The following ANO7 variants were observed in gnomAD, a reference collection of about 807,000 sequenced individuals.
ANO7 encodes anoctamin-7.
A neutral mutation model predicts 115.8 loss-of-function variants in ANO7; 114 were observed. The ratio of observed to expected loss-of-function variants is 0.98; its 90% CI spans 0.85 to 1.15. The LOEUF (loss-of-function observed/expected upper bound fraction) is 1.15. Among genes scored for constraint, ANO7 ranks in the 50% most tolerant of loss-of-function variants. The pLI is 0.00. For missense variants in ANO7, 1,302 were observed against 1,201.2 expected, an observed-to-expected ratio of 1.08 and a Z score of -1.24; for synonymous variants, 550 against 498.2, an observed-to-expected ratio of 1.10 and a Z score of -1.38.
Position 241,224,136 on chromosome 2 carries a change from A to T in ANO7, c.2623A>T (p.Ser875Cys). The T allele has an allele frequency of 6.3e-7, 1 of 1,599,716 alleles. No individual in the cohort carries two copies. The highest frequency in any genetic ancestry group is 8.6e-7 in the Non-Finnish European group (1 of 1,167,502). Reference sequence around the variant, plus strand: ...GACACCCTTCACGGTTCCCAAGGCCAGCCAGCTGCAGCAGTGACGCCTGGA... The same window carrying T: ...GACACCCTTCACGGTTCCCAAGGCCTGCCAGCTGCAGCAGTGACGCCTGGA... ...HWTPFTVPKA[S>C]QLQQ Residue 875 changes from serine to cysteine, a missense_variant, in exon 25 of 25, where the codon AGC becomes TGC. Physicochemically the swap from Ser to Cys is moderately radical, Grantham distance 112. Transcript: ENST00000674324.
At chr2:241,231,822 T>C in the ANO7 span, among the ~76,000 whole-genome samples, 1 of 152,100 alleles carries the variant, frequency 6.6e-6, no homozygotes, top group African/African-American at 2.4e-5. Flanking sequence ...AAAACACCTG[T>C]AGCCCACAAT....
At chr2:241,217,392 A>T (rs1574793092) in intron 19 of ANO7, among the ~76,000 whole-genome samples, 2 of 152,376 alleles carry the variant, frequency 1.3e-5, no homozygotes, top group East Asian at 3.9e-4. Flanking sequence ...AATCAGGAGC[A>T]GGTTTCTGCC....
chr2:241,202,667 C>T (rs2068499326), intron 8 of ANO7, among the ~76,000 whole-genome samples: 1 of 152,226 alleles, frequency 6.6e-6, no homozygotes, highest in Admixed American at 6.5e-5. Flanking sequence ...AATGCCAAAG[C>T]GGGCACTGAC....
At chr2:241,236,908 GGTCT>G in the ANO7 span, 3 of 800,300 alleles carry the variant, frequency 3.7e-6, no homozygotes, top group Non-Finnish European at 5.9e-6. Context: ...TCCTTCAGGA[GGTCT>G]TGGTCTGGTC....
At chr2:241,210,416 G>A (rs772392213) in intron 14 of ANO7, 23 bp downstream of exon 14, 164 of 1,613,500 alleles carry the variant, frequency 1.0e-4, no homozygotes, top group Middle Eastern at 1.6e-4. Flanking sequence ...TGCCTGCCTC[G>A]GGGGGCCCTG....
chr2:241,212,770 C>A (rs1398694043), intron 17 of ANO7, 144 bp downstream of exon 17: 16 of 855,182 alleles, frequency 1.9e-5, no homozygotes, highest in Non-Finnish European at 2.6e-5. Context: ...GTGCAGCTGA[C>A]CACTCAGGGC....
chr2:241,203,454 G>T lies in ANO7; in HGVS notation c.845G>T (p.Arg282Leu). 4 of 1,574,138 alleles carry T rather than the reference G, an allele frequency of 2.5e-6. No individual in the cohort carries two copies. Among genetic ancestry groups the T allele is most frequent in the South Asian group, 1.2e-5 (1 of 86,120 alleles). ...WNKYQPLDHV[R>L]RYFGEKVALY... Reference sequence around the variant, plus strand: ...AAGTACCAGCCCCTGGACCACGTGCGCAGGTACTTCGGGGAGAAGGTGGCC... The same window carrying T: ...AAGTACCAGCCCCTGGACCACGTGCTCAGGTACTTCGGGGAGAAGGTGGCC... Residue 282 changes from arginine (R) to leucine (L), a missense_variant, in exon 9 of 25, where the codon CGC (arginine) becomes CTC (leucine). Physicochemically the swap from Arg to Leu is moderately radical, Grantham distance 102 (BLOSUM62 -2). Transcript: ENST00000674324. The surrounding 1 kb of genome is among the most constrained non-coding windows in gnomAD (Gnocchi z 4.8).
At position 241,225,884 on chromosome 2, in the gene ANO7, C is replaced by T. The variant is rs184430824; in HGVS notation, c.*1731C>T. Among the ~76,000 whole-genome samples the T allele has an allele frequency of 2.0e-5, 3 of 152,336 alleles. No individual in the cohort carries two copies. Among genetic ancestry groups the T allele is most frequent in the Non-Finnish European group, 2.9e-5 (2 of 68,030 alleles). ...ACAGATGGGGAGCTCAGCCATTCCA[C>T]GTGTGCTTTCGCTCAGCACAATGCT... On this transcript the variant is annotated 3_prime_UTR_variant, in exon 25 of 25. Transcript: ENST00000674324.
At chr2:241,204,727 T>C in intron 9 of ANO7, 138 bp from the exon 10 acceptor site, 1 of 632,190 alleles carries the variant, frequency 1.6e-6, no homozygotes, top group Non-Finnish European at 2.8e-6. Context: ...GTGTACCTCT[T>C]GGCCTCCTCA....
At chr2:241,204,810 C>T (rs2068551315) in intron 9 of ANO7, 55 bp from the exon 10 acceptor site, 5 of 1,475,012 alleles carry the variant, frequency 3.4e-6, no homozygotes, top group Non-Finnish European at 4.7e-6. Flanking sequence ...AGACCCCTAC[C>T]TGGGGCCCCC....
rs191013489 is a variant in ANO7, at chr2:241,191,937, G to A, written c.166+686G>A. 5.6e-4 allele frequency among the ~76,000 whole-genome samples: 85 copies of A among 152,314 alleles called. No homozygotes were observed. The East Asian group carries it at 0.013, about 23-fold the overall frequency. ...GCCAGTATGTCTTCCCTGGGTGAGC[G>A]CCCACGAGCACGGGATGGGGGCCCC... On this transcript the variant is annotated intron_variant, in intron 3 of 24. Transcript: ENST00000674324.
intron 3 of ANO7, among the ~76,000 whole-genome samples, chr2:241,191,839 G>A (rs2068213206): frequency 6.6e-6 from 1 of 152,164 alleles, no homozygotes; most frequent in Admixed American, 6.5e-5. Context: ...ATTGCTGGAG[G>A]GAGTGTAAAA....
intron 7 of ANO7, among the ~76,000 whole-genome samples, chr2:241,201,810 G>A (rs2149162817): frequency 6.9e-6 from 1 of 145,680 alleles, no homozygotes; most frequent in East Asian, 2.1e-4. Flanking sequence ...TGGCTGCCCA[G>A]GTAGGGGGCA....
chr2:241,239,460 A>G, the ANO7 span: 1 of 642,398 alleles, frequency 1.6e-6, no homozygotes, highest in East Asian at 2.7e-5. This position sits in a 1 kb window ranked among gnomAD's most constrained non-coding sequence, Gnocchi z 4.6. Flanking sequence ...AAGAAGAGCG[A>G]GCACCAGAAA....
At chr2:241,217,516 C>T (rs936803123) in intron 19 of ANO7, 170 bp from the exon 20 acceptor site, 11 of 734,166 alleles carry the variant, frequency 1.5e-5, no homozygotes, top group Non-Finnish European at 1.3e-5. Context: ...TCAGGAGAGG[C>T]GGCCCTGGCG....
At chr2:241,236,237 A>G in the ANO7 span, 39 of 272,066 alleles carry the variant, frequency 1.4e-4, 2 homozygotes, top group South Asian at 2.0e-3. Flanking sequence ...CTCGACACTG[A>G]CTGCACACAA....
chr2:241,229,981 A>T, downstream of ANO7: 1 of 1,585,534 alleles, frequency 6.3e-7, no homozygotes, highest in Non-Finnish European at 8.6e-7. Flanking sequence ...GAAGACAGGA[A>T]GACAGGGTCA....
the ANO7 span, chr2:241,235,646 G>A: frequency 2.2e-5 from 29 of 1,314,686 alleles, no homozygotes; most frequent in East Asian, 6.9e-5. Flanking sequence ...GCAGAGTGAC[G>A]TTGTAAGCTC....
intron 5 of ANO7, 69 bp from the exon 6 acceptor site, chr2:241,200,020 C>A: frequency 6.3e-7 from 1 of 1,578,726 alleles, no homozygotes; most frequent in Non-Finnish European, 8.6e-7. Flanking sequence ...ACTTGCACAA[C>A]CTCCACTCCC....
Sources: allele counts gnomAD v4.1 joint callset (sites outside exome capture counted in the v4.1 genomes callset), GRCh38; gene constraint gnomAD v4.1.1; non-coding constraint Gnocchi (gnomAD v3.1); transcripts MANE v1.5; gene names NCBI Gene and HGNC (gene_info 2026-07-23, HGNC 2026-07-21).